The following C1orf56 variants were observed in gnomAD, a reference collection of about 807,000 sequenced individuals.
The protein encoded by C1orf56 is chromosome 1 open reading frame 56.
Under a neutral mutation model 20.7 loss-of-function variants are expected in C1orf56, and 14 were observed. The observed-to-expected ratio is 0.68, with a 90% CI of 0.45 to 1.06. C1orf56 has a LOEUF of 1.06. C1orf56 is among the 50% of genes least tolerant of loss of function. C1orf56 has a pLI of 0.00. For missense variants in C1orf56, 424 were observed against 451.4 expected (o/e 0.94, Z 0.55); for synonymous variants, 187 against 194.7 (o/e 0.96, Z 0.33).
At position 151,048,888 on chromosome 1, in the gene C1orf56, C is replaced by T. The variant is rs764991918; in HGVS notation, c.1005+36C>T. ...GGTGATGAGCCAGGGTCTTTGTTGA[C>T]GGATCTGAAAAGTCCTGGTATCTAA... On this transcript the variant is annotated intron_variant, in intron 1 of 1. Coordinates refer to ENST00000368926, the MANE Select transcript of C1orf56 (RefSeq NM_017860.5). This position sits in a 1 kb window ranked among gnomAD's most constrained non-coding sequence, Gnocchi z 4.8. 4.6e-6 allele frequency: 7 copies of T among 1,514,408 alleles called. No individual in the cohort carries two copies. Among genetic ancestry groups the T allele is most frequent in the Non-Finnish European group, 5.3e-6 (6 of 1,131,190 alleles). 93.8% of individuals were successfully genotyped at this position (1,514,408 alleles called of 1,614,324 possible).
In C1orf56 at chr1:151,048,064, G is replaced by T. The variant is rs764030628; in HGVS notation, c.217G>T (p.Asp73Tyr). ...ILEDENDAMA[D>Y]ADRLAGPAAA... ...AGAGGACGAGAATGATGCCATGGCCGACGCCGACCGCCTGGCTGGACCAGC... is the reference window on the plus strand; with the variant it reads ...AGAGGACGAGAATGATGCCATGGCCTACGCCGACCGCCTGGCTGGACCAGC... The change falls in exon 1 of 2, where the codon GAC becomes TAC. Residue 73 changes from aspartate (D) to tyrosine (Y), a missense_variant. Transcript: ENST00000368926. The surrounding 1 kb of genome is among the most constrained non-coding windows in gnomAD (Gnocchi z 4.8). 4.3e-6 allele frequency: 7 copies of T among 1,614,092 alleles called. No individual in the cohort carries two copies. The Admixed American group carries it at 1.2e-4, about 27-fold the overall frequency.
rs896148649 is a variant in C1orf56 at position 151,048,584 on chromosome 1, A to G, written c.737A>G (p.Lys246Arg). 1.3e-5 allele frequency: 21 copies of G among 1,614,230 alleles called. No homozygotes were observed. The highest frequency in any genetic ancestry group is 3.3e-5 in the Admixed American group (2 of 60,036). ...GALSQLRTEHKPCTYQQCPCN... is the reference protein window; with the variant it reads ...GALSQLRTEHRPCTYQQCPCN... ...CTGAGCCAGCTCCGCACGGAGCACA[A>G]GCCTTGCACCTATCAACAATGTCCC... Residue 246 changes from lysine (K) to arginine (R), a missense_variant, in exon 1 of 2, where the codon AAG becomes AGG. Lys to Arg is a conservative substitution (Grantham distance 26). Transcript: ENST00000368926. The surrounding 1 kb of genome is among the most constrained non-coding windows in gnomAD (Gnocchi z 4.8).
rs1309211483 is a variant in C1orf56 at position 151,048,550 on chromosome 1, G to C, written c.703G>C (p.Val235Leu). ...KLHGLSGRLR[V>L]GALSQLRTEH... Reference sequence around the variant, plus strand: ...GCACGGCCTTTCCGGGCGCCTTCGAGTTGGGGCGCTGAGCCAGCTCCGCAC... The same window carrying C: ...GCACGGCCTTTCCGGGCGCCTTCGACTTGGGGCGCTGAGCCAGCTCCGCAC... Residue 235 changes from valine (V) to leucine (L), a missense_variant, in exon 1 of 2, where the codon GTT becomes CTT. By Grantham distance (32) the Val-to-Leu change is conservative. Transcript: ENST00000368926. The surrounding 1 kb of genome is among the most constrained non-coding windows in gnomAD (Gnocchi z 4.8). 6.2e-7 allele frequency: 1 copy of C among 1,613,988 alleles called. No individual in the cohort carries two copies. The highest frequency in any genetic ancestry group is 8.5e-7 in the Non-Finnish European group (1 of 1,180,046).
At position 151,048,227 on chromosome 1, in the gene C1orf56, C is replaced by G; in HGVS notation, c.380C>G (p.Ala127Gly). ...KDSTSRELPSATPNTAGSSST... is the reference protein window; with the variant it reads ...KDSTSRELPSGTPNTAGSSST... ...AGCACCAGCAGAGAGCTTCCCAGTGCGACTCCCAATACAGCGGGGAGTTCC... is the reference window on the plus strand; with the variant it reads ...AGCACCAGCAGAGAGCTTCCCAGTGGGACTCCCAATACAGCGGGGAGTTCC... Residue 127 changes from alanine to glycine, a missense_variant, in exon 1 of 2, where the codon GCG becomes GGG. By Grantham distance (60) the Ala-to-Gly change is moderately conservative. Coordinates refer to ENST00000368926, the MANE Select transcript of C1orf56 (RefSeq NM_017860.5). The surrounding 1 kb of genome is among the most constrained non-coding windows in gnomAD (Gnocchi z 4.8). 1 of 1,614,208 alleles carries G rather than the reference C, an allele frequency of 6.2e-7. No individual in the cohort carries two copies.
At position 151,048,660 on chromosome 1, in the gene C1orf56, C is replaced by T; in HGVS notation, c.813C>T (p.Asp271=). Residue 271 remains aspartate, a synonymous_variant, in exon 1 of 2, where the codon GAC becomes GAT. Coordinates refer to ENST00000368926, the MANE Select transcript of C1orf56 (RefSeq NM_017860.5). The surrounding 1 kb of genome is among the most constrained non-coding windows in gnomAD (Gnocchi z 4.8). ...CCCTGGACACAAGTCTCTGTACTGA[C>T]ACCAACTGTGCCTCTCAGAGCACCA... is the stretch of plus-strand genomic sequence containing the variant. The part of the protein sequence containing the change: ...ECPLDTSLCT[D]TNCASQSTTS... 3 of 1,613,586 alleles carry T rather than the reference C, an allele frequency of 1.9e-6. No homozygotes were observed. The highest frequency in any genetic ancestry group is 2.5e-6 in the Non-Finnish European group (3 of 1,179,694).
rs879577016 is a variant in C1orf56, at chr1:151,051,212, C to T, written c.*754C>T. On this transcript the variant is annotated 3_prime_UTR_variant, in exon 2 of 2. Transcript: ENST00000368926. ...ACCAGAGATTTCTAGGAGTCTCTAACCTTTCCACCCTATCCTGTTAACCCT... is the reference window on the plus strand; with the variant it reads ...ACCAGAGATTTCTAGGAGTCTCTAATCTTTCCACCCTATCCTGTTAACCCT... 1 of 151,600 alleles carries T rather than the reference C, an allele frequency of 6.6e-6. No homozygotes were observed. The highest frequency in any genetic ancestry group is 2.4e-5 in the African/African-American group (1 of 41,236). The allele number at this position is 151,600 out of a possible 1,614,324, so 9.4% of individuals were successfully genotyped here.
rs1676097321 is a variant in C1orf56 at position 151,048,114 on chromosome 1, G to A, written c.267G>A (p.Thr89=). The change falls in exon 1 of 2, where the codon ACG becomes ACA. Residue 89 remains threonine (T), a synonymous_variant. Coordinates refer to ENST00000368926, the MANE Select transcript of C1orf56 (RefSeq NM_017860.5). This position sits in a 1 kb window ranked among gnomAD's most constrained non-coding sequence, Gnocchi z 4.8. ...CGGCTGCCGAGCTCTTGGCCGCCAC[G>A]GTGTCCACCGGCTTTAGCCGGTCGT... The part of the protein sequence containing the change: ...GPAAAELLAA[T]VSTGFSRSSA... The A allele has an allele frequency of 6.2e-7, 1 of 1,613,434 alleles. No homozygotes were observed. Among genetic ancestry groups the A allele is most frequent in the Non-Finnish European group, 8.5e-7 (1 of 1,180,022 alleles).
chr1:151,050,323 G>A, intron 1 of C1orf56, 115 bp from the exon 2 acceptor site: 2 of 922,062 alleles, frequency 2.2e-6, no homozygotes, highest in Non-Finnish European at 1.7e-6. Flanking sequence ...GTAAGGGGTG[G>A]GCAGTAGGGT....
chr1:151,048,983 A>C lies in C1orf56; in HGVS notation c.1005+131A>C. 1 of 1,333,572 alleles carries C rather than the reference A, an allele frequency of 7.5e-7. No individual in the cohort carries two copies. Among genetic ancestry groups the C allele is most frequent in the Admixed American group, 3.1e-5 (1 of 32,582 alleles). The allele number at this position is 1,333,572 out of a possible 1,614,324, so 82.6% of individuals were successfully genotyped here. A position where few individuals can be genotyped will look rare whatever the true frequency, so the allele number is the denominator to read the frequency against. ...CTGACTTACCTGGTTATTGATTCAT[A>C]ACATGCATTGGTTATTCACATTGTT... On this transcript the variant is annotated intron_variant, in intron 1 of 1. Coordinates refer to ENST00000368926, the MANE Select transcript of C1orf56 (RefSeq NM_017860.5). The surrounding 1 kb of genome is among the most constrained non-coding windows in gnomAD (Gnocchi z 4.8).
rs772140856 is a variant in C1orf56 at position 151,047,889 on chromosome 1, G to A, written c.42G>A (p.Leu14=). 1.2e-6 allele frequency: 2 copies of A among 1,605,316 alleles called. No individual in the cohort carries two copies. Among genetic ancestry groups the A allele is most frequent in the African/African-American group, 2.7e-5 (2 of 74,772 alleles). The change falls in exon 1 of 2, where the codon CTG becomes CTA. Residue 14 remains leucine (L), a synonymous_variant. Coordinates refer to ENST00000368926, the MANE Select transcript of C1orf56 (RefSeq NM_017860.5). The part of the protein sequence containing the change: ...AAGALLWVLL[L]NLGPRAAGAQ... ...GCGCGCTGCTGTGGGTCCTGCTGCT[G>A]AATCTGGGTCCCCGGGCGGCGGGGG...
In C1orf56 at chr1:151,048,946, C is replaced by T; in HGVS notation, c.1005+94C>T. ...TTGCTAAGCCAGCCAGTGTTGCTTA[C>T]ATGAACTGTTACTGACTTACCTGGT... On this transcript the variant is annotated intron_variant, in intron 1 of 1. Transcript: ENST00000368926. This position sits in a 1 kb window ranked among gnomAD's most constrained non-coding sequence, Gnocchi z 4.8. The T allele has an allele frequency of 6.7e-7, 1 of 1,489,286 alleles. No individual in the cohort carries two copies. The allele number at this position is 1,489,286 out of a possible 1,614,324, so 92.3% of individuals were successfully genotyped here.
At position 151,048,511 on chromosome 1, in the gene C1orf56, C is replaced by G. The variant is rs760786814; in HGVS notation, c.664C>G (p.Arg222Gly). 3 of 1,611,710 alleles carry G rather than the reference C, an allele frequency of 1.9e-6. No homozygotes were observed. The South Asian group carries it at 3.3e-5, about 18-fold the overall frequency. The change falls in exon 1 of 2, where the codon CGG (arginine) becomes GGG (glycine). Residue 222 changes from arginine to glycine, a missense_variant. By Grantham distance (125) the Arg-to-Gly change is moderately radical. Coordinates refer to ENST00000368926, the MANE Select transcript of C1orf56 (RefSeq NM_017860.5). The surrounding 1 kb of genome is among the most constrained non-coding windows in gnomAD (Gnocchi z 4.8). ...HCKSGTMSRS[R>G]SGKLHGLSGR... The stretch of plus-strand genomic sequence containing the variant: ...CAAGTCGGGCACCATGAGCCGGAGC[C>G]GGTCTGGGAAGCTGCACGGCCTTTC...
Position 151,048,194 on chromosome 1 carries a change from G to T in C1orf56, c.347G>T (p.Gly116Val), listed in dbSNP as rs748715204. Reference protein sequence around the residue: ...SSEEGVVINAGKDSTSRELPS... With the variant: ...SSEEGVVINAVKDSTSRELPS... Reference sequence around the variant, plus strand: ...GAAGAGGGGGTTGTGATTAATGCCGGAAAGGATAGCACCAGCAGAGAGCTT... The same window carrying T: ...GAAGAGGGGGTTGTGATTAATGCCGTAAAGGATAGCACCAGCAGAGAGCTT... Residue 116 changes from glycine (G) to valine (V), a missense_variant, in exon 1 of 2, where the codon GGA becomes GTA. By Grantham distance (109) the Gly-to-Val change is moderately radical. Coordinates refer to ENST00000368926, the MANE Select transcript of C1orf56 (RefSeq NM_017860.5). This position sits in a 1 kb window ranked among gnomAD's most constrained non-coding sequence, Gnocchi z 4.8. The T allele has an allele frequency of 6.2e-7, 1 of 1,614,222 alleles. No individual in the cohort carries two copies. The highest frequency in any genetic ancestry group is 8.5e-7 in the Non-Finnish European group (1 of 1,180,048).
chr1:151,049,033 A>G (rs6664387), intron 1 of C1orf56, among the ~76,000 whole-genome samples, 181 bp downstream of exon 1: 13,686 of 152,150 alleles, frequency 0.09, 774 homozygotes, highest in African/African-American at 0.16. Context: ...CCTATTATTT[A>G]TTGAGCAACT....
intron 1 of C1orf56, among the ~76,000 whole-genome samples, 195 bp from the exon 2 acceptor site, chr1:151,050,243 C>A (rs1676147776): frequency 6.6e-6 from 1 of 152,190 alleles, no homozygotes; most frequent in Non-Finnish European, 1.5e-5. Flanking sequence ...ATAAAGCTTA[C>A]ACTTGGTCAT....
In C1orf56 at chr1:151,048,132, C is replaced by T; in HGVS notation, c.285C>T (p.Ser95=). The T allele has an allele frequency of 6.2e-7, 1 of 1,613,566 alleles. No individual in the cohort carries two copies. The highest frequency in any genetic ancestry group is 8.5e-7 in the Non-Finnish European group (1 of 1,180,012). Residue 95 remains serine (S), a synonymous_variant, in exon 1 of 2, where the codon AGC becomes AGT. Coordinates refer to ENST00000368926, the MANE Select transcript of C1orf56 (RefSeq NM_017860.5). This position sits in a 1 kb window ranked among gnomAD's most constrained non-coding sequence, Gnocchi z 4.8. ...LLAATVSTGF[S]RSSAINEEDG... is the part of the protein sequence containing the mutation. The stretch of plus-strand genomic sequence containing the variant: ...CCGCCACGGTGTCCACCGGCTTTAG[C>T]CGGTCGTCCGCCATTAACGAGGAGG...
Position 151,050,439 on chromosome 1 carries a change from T to A in C1orf56, c.1007T>A (p.Ile336Lys). ...LSSVFTEMQP[I>K]DRNQR ...TCTCTATTTTTTTTTCTTACGCAGA[T>A]AGACAGAAACCAGAGGTAATGGCCA... Residue 336 changes from isoleucine to lysine, a missense_variant and splice_region_variant, in exon 2 of 2, where the codon ATA becomes AAA. Ile to Lys is a moderately radical substitution (Grantham distance 102, BLOSUM62 -3). Transcript: ENST00000368926. The A allele has an allele frequency of 6.2e-7, 1 of 1,609,222 alleles. No homozygotes were observed. Among genetic ancestry groups the A allele is most frequent in the Non-Finnish European group, 8.5e-7 (1 of 1,178,314 alleles).
chr1:151,049,275 G>A (rs1352180673), intron 1 of C1orf56, among the ~76,000 whole-genome samples: 2 of 125,586 alleles, frequency 1.6e-5, no homozygotes, highest in East Asian at 2.7e-4. Flanking sequence ...CACCATGCCC[G>A]GCTAATTTTT....
intron 1 of C1orf56, among the ~76,000 whole-genome samples, chr1:151,049,993 T>A (rs1310351164): frequency 6.6e-6 from 1 of 152,258 alleles, no homozygotes; most frequent in Non-Finnish European, 1.5e-5. Context: ...GGTATTATTA[T>A]CCCTGCTTTT....
Sources: gnomAD v4.1 joint callset for allele counts (sites outside exome capture counted in the v4.1 genomes callset) on GRCh38, gnomAD v4.1.1 for gene constraint, Gnocchi (gnomAD v3.1) non-coding constraint, MANE v1.5 for transcripts, NCBI Gene and HGNC (gene_info 2026-07-23, HGNC 2026-07-21) for gene names.